GATAD2B: variants seen among roughly 807,000 people sequenced by gnomAD.
The protein encoded by GATAD2B is GATA zinc finger domain containing 2B, also known as transcriptional repressor p66-beta.
GATAD2B carries 8 observed loss-of-function variants against 64.3 expected under a neutral mutation model. That is an observed-to-expected ratio of 0.12 (90% CI 0.07 to 0.22). The LOEUF is 0.22. Ranked by LOEUF, GATAD2B falls within the 10% of genes least tolerant of loss-of-function variation. The pLI, the probability that GATAD2B is intolerant of heterozygous loss-of-function variation, is 1.00. For missense variants in GATAD2B, 453 were observed against 752.0 expected, an observed-to-expected ratio of 0.60 and a Z score of 4.65; for synonymous variants, 281 against 271.3, an observed-to-expected ratio of 1.04 and a Z score of -0.35.
rs1674239632 is a variant in GATAD2B, at chr1:153,810,019, T to C, written c.*158A>G. On this transcript the variant is annotated 3_prime_UTR_variant, in exon 11 of 11. Transcript: ENST00000368655. ...GGGAGGTGGCAGGGCAGGGCGTGTG[T>C]TTTCTTGCTGATCTCTATTTTTTGT... 2.9e-6 allele frequency: 2 copies of C among 680,402 alleles called. No homozygotes were observed. 42.1% of individuals were successfully genotyped at this position (680,402 alleles called of 1,614,324 possible). A position where few individuals can be genotyped will look rare whatever the true frequency, so the allele number is the denominator to read the frequency against.
chr1:153,871,080 T>G (rs1010946486), intron 1 of GATAD2B, among the ~76,000 whole-genome samples: 15 of 151,926 alleles, frequency 9.9e-5, no homozygotes, highest in Middle Eastern at 3.2e-3. Context: ...GTTTTTTGTT[T>G]TTTTTTGAGA....
chr1:153,817,673 G>T, intron 5 of GATAD2B, 131 bp from the exon 6 acceptor site: 1 of 601,336 alleles, frequency 1.7e-6, no homozygotes, highest in South Asian at 2.9e-5. Context: ...AGCCAGACTT[G>T]GTAATTTCAT....
chr1:153,849,837 G>C (rs1454834766), intron 1 of GATAD2B, among the ~76,000 whole-genome samples: 1 of 152,084 alleles, frequency 6.6e-6, no homozygotes. Flanking sequence ...TCACCATGTT[G>C]GCCAGGCTGG....
At chr1:153,852,780 A>G in intron 1 of GATAD2B, 1 of 951,964 alleles carries the variant, frequency 1.1e-6, no homozygotes. Context: ...TAACATAACA[A>G]CTTGGCTTCT....
intron 1 of GATAD2B, among the ~76,000 whole-genome samples, chr1:153,865,598 T>C (rs1298962836): frequency 6.6e-6 from 1 of 152,222 alleles, no homozygotes; most frequent in African/African-American, 2.4e-5. Flanking sequence ...CGTGGAACAT[T>C]CTGTTACATA....
At chr1:153,918,755 C>A (rs1442117284) in intron 1 of GATAD2B, among the ~76,000 whole-genome samples, 3 of 152,088 alleles carry the variant, frequency 2.0e-5, no homozygotes, top group Admixed American at 2.0e-4. Context: ...GAGTTCGAGA[C>A]CAGCCTGGCC....
intron 2 of GATAD2B, among the ~76,000 whole-genome samples, chr1:153,820,090 T>C: frequency 7.1e-6 from 1 of 140,230 alleles, no homozygotes; most frequent in African/African-American, 2.7e-5. Flanking sequence ...AGAGCGAGGT[T>C]CCCGTCTCAA....
At chr1:153,886,844 C>T (rs1382041794) in intron 1 of GATAD2B, among the ~76,000 whole-genome samples, 2 of 152,038 alleles carry the variant, frequency 1.3e-5, no homozygotes, top group Non-Finnish European at 1.5e-5. Flanking sequence ...CAGGCATGAG[C>T]CACTGCGTCT....
intron 1 of GATAD2B, among the ~76,000 whole-genome samples, chr1:153,902,621 A>AAG (rs1259266803): frequency 6.6e-6 from 1 of 151,724 alleles, no homozygotes; most frequent in Non-Finnish European, 1.5e-5. Flanking sequence ...TACCCTGCTA[A>AAG]GTTTTCTTAT....
intron 1 of GATAD2B, among the ~76,000 whole-genome samples, chr1:153,849,733 C>T (rs1332753368): frequency 2.6e-5 from 4 of 152,074 alleles, no homozygotes; most frequent in Non-Finnish European, 5.9e-5. Context: ...CGGTTTCAAG[C>T]GATTCTCCTG....
intron 1 of GATAD2B, among the ~76,000 whole-genome samples, chr1:153,908,696 GA>G (rs1678022539): frequency 6.8e-6 from 1 of 147,410 alleles, no homozygotes. Flanking sequence ...TTGAACTCCT[GA>G]CCTCAGGTGA....
At chr1:153,860,475 C>A (rs1161970562) in intron 1 of GATAD2B, among the ~76,000 whole-genome samples, 1 of 151,884 alleles carries the variant, frequency 6.6e-6, no homozygotes, top group East Asian at 1.9e-4. Flanking sequence ...GCTAGGACTA[C>A]AGGTGCGTGC....
At chr1:153,820,681 G>A (rs2101884247) in intron 2 of GATAD2B, among the ~76,000 whole-genome samples, 1 of 151,948 alleles carries the variant, frequency 6.6e-6, no homozygotes, top group African/African-American at 2.4e-5. Flanking sequence ...CCAGGCTGGA[G>A]TCCAGTGGCC....
At chr1:153,845,462 G>A (rs1225927825) in intron 1 of GATAD2B, among the ~76,000 whole-genome samples, 1 of 152,030 alleles carries the variant, frequency 6.6e-6, no homozygotes, top group Non-Finnish European at 1.5e-5. Context: ...AAAACATTAG[G>A]CTGGGCGTGG....
At chr1:153,842,169 G>A (rs1675519360) in intron 1 of GATAD2B, among the ~76,000 whole-genome samples, 1 of 152,146 alleles carries the variant, frequency 6.6e-6, no homozygotes, top group African/African-American at 2.4e-5. Context: ...AAGCCATTTG[G>A]ATAGGTGTGT....
intron 1 of GATAD2B, among the ~76,000 whole-genome samples, chr1:153,884,814 T>C (rs896380292): frequency 3.9e-5 from 6 of 151,982 alleles, no homozygotes; most frequent in African/African-American, 1.5e-4. Context: ...TGGAGTGCAA[T>C]GGTGCGATCT....
In GATAD2B at chr1:153,847,875, C is replaced by G. The variant is rs778105761; in HGVS notation, c.-1-19527G>C. Among the ~76,000 whole-genome samples the G allele has an allele frequency of 3.3e-4, 50 of 152,212 alleles. 1 individual carries two copies. The highest frequency in any genetic ancestry group is 2.8e-3 in the Admixed American group (43 of 15,278). On this transcript the variant is annotated intron_variant, in intron 1 of 10. Transcript: ENST00000368655. ...CTAATTTTCAACTGTGTTGGATATA[C>G]TGTTTAACTTATATAACGAGTTAAT...
chr1:153,883,525 A>C (rs1677067536), intron 1 of GATAD2B, among the ~76,000 whole-genome samples: 1 of 152,230 alleles, frequency 6.6e-6, no homozygotes, highest in Non-Finnish European at 1.5e-5. Flanking sequence ...AAATGTCGCA[A>C]GCAAAATAGA....
At chr1:153,812,729 A>G (rs1285590331) in intron 8 of GATAD2B, among the ~76,000 whole-genome samples, 1 of 152,156 alleles carries the variant, frequency 6.6e-6, no homozygotes, top group Non-Finnish European at 1.5e-5. Context: ...AGGGACTCTG[A>G]TGGGTGGAGT....
Sources: gnomAD v4.1 joint callset for allele counts (sites outside exome capture counted in the v4.1 genomes callset) on GRCh38, gnomAD v4.1.1 for gene constraint, MANE v1.5 for transcripts, NCBI Gene and HGNC (gene_info 2026-07-23, HGNC 2026-07-21) for gene names.